Variants in TECTB observed in about 807,000 individuals in gnomAD.
TECTB encodes tectorin beta.
Under a neutral mutation model 43.3 loss-of-function variants are expected in TECTB, and 45 were observed. That is an observed-to-expected ratio of 1.04 (90% CI 0.82 to 1.33). TECTB has a LOEUF of 1.33. Ranked by LOEUF, TECTB falls within the 40% of genes most tolerant of loss-of-function variation. The pLI is 0.00. For missense variants in TECTB, 399 were observed against 404.7 expected (o/e 0.99, Z 0.12); for synonymous variants, 169 against 156.7 (o/e 1.08, Z -0.59).
At chr10:112,295,174 C>A (rs543931288) in intron 7 of TECTB, among the ~76,000 whole-genome samples, 1 of 152,234 alleles carries the variant, frequency 6.6e-6, no homozygotes, top group African/African-American at 2.4e-5. Flanking sequence ...ATGTAACAGA[C>A]CAATGTGCCT....
chr10:112,294,004 G>T lies in TECTB; in HGVS notation c.614G>T (p.Trp205Leu). 1 of 1,614,162 alleles carries T rather than the reference G, an allele frequency of 6.2e-7. No individual in the cohort carries two copies. Among genetic ancestry groups the T allele is most frequent in the South Asian group, 1.1e-5 (1 of 91,076 alleles). ...TTTAAAGTGGTCTTGAACAGCTGTT[G>T]GGCCACCCCCTCGGCTGACTTCATG... is the stretch of plus-strand genomic sequence containing the variant. ...IRFKVVLNSC[W>L]ATPSADFMYP... The change falls in exon 7 of 11, where the codon TGG becomes TTG. Residue 205 changes from tryptophan to leucine, a missense_variant. By Grantham distance (61) the Trp-to-Leu change is moderately conservative (BLOSUM62 -2). Transcript: ENST00000646139.
chr10:112,294,001 G>C lies in TECTB; in HGVS notation c.611G>C (p.Cys204Ser), dbSNP rs1229419815. 1 of 1,614,096 alleles carries C rather than the reference G, an allele frequency of 6.2e-7. No homozygotes were observed. The highest frequency in any genetic ancestry group is 8.5e-7 in the Non-Finnish European group (1 of 1,180,048). ...SIRFKVVLNS[C>S]WATPSADFMY... ...AGGTTTAAAGTGGTCTTGAACAGCT[G>C]TTGGGCCACCCCCTCGGCTGACTTC... The change falls in exon 7 of 11, where the codon TGT becomes TCT. Residue 204 changes from cysteine (C) to serine (S), a missense_variant. Transcript: ENST00000646139.
intron 9 of TECTB, among the ~76,000 whole-genome samples, chr10:112,300,242 G>T (rs184460590): frequency 6.0e-4 from 18 of 29,958 alleles, no homozygotes; most frequent in Admixed American, 5.5e-3. Context: ...AAGAAAGAAA[G>T]AAAGAAAGAA....
In TECTB at chr10:112,298,115, C is replaced by G. The variant is rs779046681; in HGVS notation, c.718C>G (p.His240Asp). The G allele has an allele frequency of 2.5e-6, 4 of 1,614,218 alleles. No homozygotes were observed. In the South Asian group the frequency reaches 4.4e-5, roughly 18 times the overall value. Residue 240 changes from histidine to aspartate, a missense_variant, in exon 8 of 11, where the codon CAC (histidine) becomes GAC (aspartate). His to Asp is a moderately conservative substitution (Grantham distance 81, BLOSUM62 -1). Transcript: ENST00000646139. Reference sequence around the variant, plus strand: ...CCTCGTGCATGAGAATGGGAGAGATCACAGGGCAACCTTCCAATTCAATGC... The same window carrying G: ...CCTCGTGCATGAGAATGGGAGAGATGACAGGGCAACCTTCCAATTCAATGC... ...TVLVHENGRD[H>D]RATFQFNAFR...
chr10:112,290,635 C>T (rs936501322), intron 5 of TECTB, among the ~76,000 whole-genome samples: 5 of 152,100 alleles, frequency 3.3e-5, no homozygotes, highest in African/African-American at 1.2e-4. Context: ...ACATCGGGGT[C>T]CCCAGGTAAG....
rs747574808 is a variant in TECTB, at chr10:112,286,389, A to T, written c.481A>T (p.Thr161Ser). Residue 161 changes from threonine to serine, a missense_variant and splice_region_variant, in exon 5 of 11, where the codon ACT (threonine) becomes TCT (serine). By Grantham distance (58) the Thr-to-Ser change is moderately conservative. Transcript: ENST00000646139. ...GAGCCAACTGTCTCTCAACTTCTAC[A>T]CTGTAAGTGGTCTCCAGGTTCCCAT... is the stretch of plus-strand genomic sequence containing the variant. ...FESQLSLNFY[T>S]NAKFSIKKEA... 1.9e-6 allele frequency: 3 copies of T among 1,605,322 alleles called. No individual in the cohort carries two copies. The African/African-American group carries it at 4.0e-5, about 21-fold the overall frequency.
rs563827459 is a variant in TECTB, at chr10:112,299,131, G to A, written c.835-361G>A. On this transcript the variant is annotated intron_variant, in intron 8 of 10. Transcript: ENST00000646139. ...AAAAGAAAGAAAAGAAAATGAACCAGAATACAATTGCAAGTGTCCACTTCT... is the reference window on the plus strand; with the variant it reads ...AAAAGAAAGAAAAGAAAATGAACCAAAATACAATTGCAAGTGTCCACTTCT... Among the ~76,000 whole-genome samples the A allele has an allele frequency of 2.0e-5, 3 of 152,286 alleles. No individual in the cohort carries two copies. In the East Asian group the frequency reaches 5.8e-4, roughly 29 times the overall value.
chr10:112,297,883 C>A (rs1448405368), intron 7 of TECTB, among the ~76,000 whole-genome samples, 186 bp from the exon 8 acceptor site: 2 of 152,174 alleles, frequency 1.3e-5, no homozygotes, highest in Non-Finnish European at 2.9e-5. Context: ...GACAGTAATA[C>A]CCATCTCCTA....
At chr10:112,292,715 A>T (rs1467449257) in intron 5 of TECTB, among the ~76,000 whole-genome samples, 1 of 152,162 alleles carries the variant, frequency 6.6e-6, no homozygotes, top group Non-Finnish European at 1.5e-5. Flanking sequence ...AAGCGCTGAG[A>T]CTACAAGTGT....
rs1044195974 is a variant in TECTB, at chr10:112,284,449, T to C, written c.77-86T>C. The stretch of plus-strand genomic sequence containing the variant: ...TTTTTAACCAACTGCTTTTGCATGC[T>C]CAGGTGTAGCTGGAATCCACTGTTC... On this transcript the variant is annotated intron_variant, in intron 2 of 10. Transcript: ENST00000646139. 3 of 1,318,354 alleles carry C rather than the reference T, an allele frequency of 2.3e-6. 1 individual carries two copies. Among genetic ancestry groups the C allele is most frequent in the South Asian group, 4.2e-5 (2 of 48,024 alleles). The allele number at this position is 1,318,354 out of a possible 1,614,324, so 81.7% of individuals were successfully genotyped here. A position where few individuals can be genotyped will look rare whatever the true frequency, so the allele number is the denominator to read the frequency against.
At chr10:112,288,917 G>A (rs184250378) in intron 5 of TECTB, among the ~76,000 whole-genome samples, 4 of 152,242 alleles carry the variant, frequency 2.6e-5, no homozygotes, top group South Asian at 2.1e-4. Context: ...GTTGGCTTAC[G>A]GAAATACCCT....
chr10:112,296,020 C>T (rs908917558), intron 7 of TECTB, among the ~76,000 whole-genome samples: 2 of 152,194 alleles, frequency 1.3e-5, no homozygotes, highest in Non-Finnish European at 2.9e-5. Context: ...GTAAGACATC[C>T]CGACCCATTT....
chr10:112,284,593 C>G lies in TECTB; in HGVS notation c.135C>G (p.Pro45=), dbSNP rs1345576037. Residue 45 remains proline, a synonymous_variant, in exon 3 of 11, where the codon CCC becomes CCG. Transcript: ENST00000646139. The part of the protein sequence containing the change: ...KTIITKIPEC[P]YGWEVHQLAL... Reference sequence around the variant, plus strand: ...TCATCACCAAAATCCCCGAGTGTCCCTATGGATGGGAAGTTCATCAGCTGG... The same window carrying G: ...TCATCACCAAAATCCCCGAGTGTCCGTATGGATGGGAAGTTCATCAGCTGG... 1 of 1,613,424 alleles carries G rather than the reference C, an allele frequency of 6.2e-7. No individual in the cohort carries two copies. Among genetic ancestry groups the G allele is most frequent in the Admixed American group, 1.7e-5 (1 of 59,950 alleles).
chr10:112,303,405 G>A lies in TECTB; in HGVS notation c.*93G>A. On this transcript the variant is annotated 3_prime_UTR_variant, in exon 11 of 11. Coordinates refer to ENST00000646139, the MANE Select transcript of TECTB (RefSeq NM_058222.3). ...GTGCTGCCAAAAAGAACAAACAGAA[G>A]ACCACATTGTTGGGGGGCAGAGAAT... 6.6e-7 allele frequency: 1 copy of A among 1,510,990 alleles called. No individual in the cohort carries two copies. The highest frequency in any genetic ancestry group is 1.4e-5 in the African/African-American group (1 of 72,892). 93.6% of individuals were successfully genotyped at this position (1,510,990 alleles called of 1,614,324 possible).
In TECTB at chr10:112,283,812, T is replaced by C; in HGVS notation, c.76+2T>C. 6.2e-7 allele frequency: 1 copy of C among 1,613,718 alleles called. No individual in the cohort carries two copies. The highest frequency in any genetic ancestry group is 1.1e-5 in the South Asian group (1 of 90,992). ...AATCGTGTGCTCCAAATAAAGCAGG[T>C]ATGTCCTCGCCAAGTCCATTTTCCT... On this transcript the variant is annotated splice_donor_variant, in intron 2 of 10. Transcript: ENST00000646139. LOFTEE classifies it high-confidence loss of function.
chr10:112,291,513 TG>T (rs1308899092), intron 5 of TECTB, among the ~76,000 whole-genome samples: 1 of 152,214 alleles, frequency 6.6e-6, no homozygotes. Flanking sequence ...AGTGACAGAC[TG>T]GATAAAGAAA....
intron 5 of TECTB, among the ~76,000 whole-genome samples, chr10:112,287,301 T>G (rs7905078): frequency 0.062 from 9,437 of 152,272 alleles, 323 homozygotes; most frequent in Middle Eastern, 0.13. Context: ...CAAAATAAAG[T>G]GCTCCAGAGA....
intron 5 of TECTB, 28 bp downstream of exon 5, chr10:112,286,419 T>A: frequency 6.3e-7 from 1 of 1,591,534 alleles, no homozygotes; most frequent in Non-Finnish European, 8.6e-7. Context: ...TCCCATTACT[T>A]CCCTGTGGCC....
chr10:112,297,690 G>A (rs982198486), intron 7 of TECTB, among the ~76,000 whole-genome samples: 1 of 152,158 alleles, frequency 6.6e-6, no homozygotes, highest in Non-Finnish European at 1.5e-5. Flanking sequence ...TGGCAGCAGG[G>A]GCAATGCTGC....
Sources: allele counts gnomAD v4.1 joint callset (sites outside exome capture counted in the v4.1 genomes callset), GRCh38; gene constraint gnomAD v4.1.1; transcripts MANE v1.5; gene names NCBI Gene and HGNC (gene_info 2026-07-23, HGNC 2026-07-21).